The following TMC8 variants were observed in gnomAD, a reference collection of about 807,000 sequenced individuals.
The protein encoded by TMC8 is transmembrane channel like 8.
A neutral mutation model predicts 76.0 loss-of-function variants in TMC8; 71 were observed. The ratio of observed to expected loss-of-function variants is 0.93; its 90% CI spans 0.77 to 1.14. The LOEUF (loss-of-function observed/expected upper bound fraction) is 1.14, where lower values mean the gene tolerates loss of function less well. TMC8 is among the 50% of genes most tolerant of loss of function. TMC8 has a pLI of 0.00. For synonymous variants in TMC8, 433 were observed against 433.8 expected (o/e 1.00, Z 0.02); for missense variants, 924 against 947.9 (o/e 0.97, Z 0.33).
rs886214385 is a variant in TMC8 at position 78,131,382 on chromosome 17, G to A, written c.-207G>A. ...GATTCTCTCTCATTTCTGAGCCCCG[G>A]AGGTGGCAGAGCGGCAGACCCGGGC... On this transcript the variant is annotated 5_prime_UTR_variant, in exon 2 of 16. Transcript: ENST00000318430. The A allele has an allele frequency of 9.0e-6, 6 of 666,184 alleles. 1 individual carries two copies. In the Admixed American group the frequency reaches 1.4e-4, roughly 15 times the overall value. 41.3% of individuals were successfully genotyped at this position (666,184 alleles called of 1,614,324 possible).
At chr17:78,134,116 A>T in intron 7 of TMC8, 116 bp downstream of exon 7, 1 of 1,485,022 alleles carries the variant, frequency 6.7e-7, no homozygotes, top group Non-Finnish European at 9.4e-7. Context: ...AGTGTGTGTG[A>T]GCGTGTGTGG....
chr17:78,138,194 G>C lies in TMC8; in HGVS notation c.1533+6G>C, dbSNP rs762098539. 6.2e-7 allele frequency: 1 copy of C among 1,613,708 alleles called. No homozygotes were observed. Among genetic ancestry groups the C allele is most frequent in the Non-Finnish European group, 8.5e-7 (1 of 1,179,930 alleles). On this transcript the variant is annotated splice_donor_region_variant and intron_variant, in intron 12 of 15. Coordinates refer to ENST00000318430, the MANE Select transcript of TMC8 (RefSeq NM_152468.5). ...TCACCTTCTACATCAAGAAGGTGAC[G>C]GCTCATGGCTGGGGGGTATGGGGTT... is the stretch of plus-strand genomic sequence containing the variant.
intron 14 of TMC8, 71 bp from the exon 15 acceptor site, chr17:78,139,091 G>T: frequency 6.3e-7 from 1 of 1,597,916 alleles, no homozygotes; most frequent in Non-Finnish European, 8.6e-7. Flanking sequence ...TTGAGGTGGG[G>T]AGAGAGGAAG....
Position 78,137,343 on chromosome 17 carries a change from CG to C in TMC8, c.1237del (p.Val413PhefsTer18), listed in dbSNP as rs775549383. ...KSSCESYGYN[V>X]CDYQCWENSV... is the part of the protein sequence containing the mutation. ...GCAGCTGTGAGTCCTACGGCTACAA[CG>C]TTTGTGACTATCAGGTGGCTGGCAG... is the stretch of plus-strand genomic sequence containing the variant. On this transcript the variant is annotated frameshift_variant, in exon 10 of 16. Coordinates refer to ENST00000318430, the MANE Select transcript of TMC8 (RefSeq NM_152468.5). LOFTEE classifies it high-confidence loss of function. The C allele has an allele frequency of 6.2e-7, 1 of 1,613,962 alleles. No homozygotes were observed. Among genetic ancestry groups the C allele is most frequent in the Admixed American group, 1.7e-5 (1 of 60,018 alleles).
intron 4 of TMC8, 94 bp downstream of exon 4, chr17:78,132,602 C>T: frequency 2.0e-6 from 3 of 1,537,158 alleles, no homozygotes; most frequent in Non-Finnish European, 2.6e-6. Flanking sequence ...CAACGCTGGG[C>T]GTGGTCCTGC....
intron 15 of TMC8, among the ~76,000 whole-genome samples, chr17:78,140,609 G>A (rs914918227): frequency 6.6e-6 from 1 of 151,168 alleles, no homozygotes; most frequent in Non-Finnish European, 1.5e-5. Flanking sequence ...TTGTGGACGG[G>A]ACTCCTGAGG....
chr17:78,132,165 C>A (rs1029132811), intron 3 of TMC8, 135 bp downstream of exon 3: 1 of 1,437,538 alleles, frequency 7.0e-7, no homozygotes, highest in African/African-American at 1.4e-5. Context: ...CCCCTCCCAC[C>A]CCTTCCGCCC....
In TMC8 at chr17:78,141,319, C is replaced by G. The variant is rs969508768; in HGVS notation, c.*207C>G. On this transcript the variant is annotated 3_prime_UTR_variant, in exon 16 of 16. Transcript: ENST00000318430. ...TTTTAATCTCATCCCTTTAAAATGT[C>G]TATTTTTTATTGTGTTTTTTATAAT... 2 of 397,784 alleles carry G rather than the reference C, an allele frequency of 5.0e-6. No homozygotes were observed. The highest frequency in any genetic ancestry group is 4.4e-5 in the Admixed American group (1 of 22,472). 24.6% of individuals were successfully genotyped at this position (397,784 alleles called of 1,614,324 possible).
In TMC8 at chr17:78,133,920, G is replaced by T. The variant is rs373643486; in HGVS notation, c.736G>T (p.Val246Phe). 1.9e-6 allele frequency: 3 copies of T among 1,613,520 alleles called. No homozygotes were observed. In the South Asian group the frequency reaches 3.3e-5, roughly 18 times the overall value. The stretch of plus-strand genomic sequence containing the variant: ...CTATCAGGCGCCTCTCAGCGCCAAG[G>T]TCTTCTCCTCATGGGACTTCTGCAT... ...QGYQAPLSAK[V>F]FSSWDFCIRV... The change falls in exon 7 of 16, where the codon GTC becomes TTC. Residue 246 changes from valine to phenylalanine, a missense_variant. Val to Phe is a conservative substitution (Grantham distance 50, BLOSUM62 -1). Transcript: ENST00000318430.
At position 78,131,913 on chromosome 17, in the gene TMC8, T is replaced by C; in HGVS notation, c.181T>C (p.Leu61=). 6.7e-7 allele frequency: 1 copy of C among 1,495,268 alleles called. No homozygotes were observed. Among genetic ancestry groups the C allele is most frequent in the Non-Finnish European group, 8.9e-7 (1 of 1,128,552 alleles). 92.6% of individuals were successfully genotyped at this position (1,495,268 alleles called of 1,614,324 possible). Reference sequence around the variant, plus strand: ...GCGGGAGCCCGCGGGGGTGCAGACCTTGCGCTGGCAGCGGTGGCAGCGCCG... The same window carrying C: ...GCGGGAGCCCGCGGGGGTGCAGACCCTGCGCTGGCAGCGGTGGCAGCGCCG... ...QLREPAGVQT[L]RWQRWQRRRQ... Residue 61 remains leucine (L), a synonymous_variant, in exon 3 of 16, where the codon TTG becomes CTG. Transcript: ENST00000318430.
intron 9 of TMC8, chr17:78,136,904 A>G: frequency 2.8e-6 from 1 of 356,376 alleles, no homozygotes; most frequent in Non-Finnish European, 5.5e-6. Flanking sequence ...TGTACTCAAA[A>G]TACAAAATTT....
In TMC8 at chr17:78,142,675, T is replaced by A. The variant is rs534174047; in HGVS notation, c.*1563T>A. The A allele has an allele frequency of 6.6e-6, 1 of 152,280 alleles. No individual in the cohort carries two copies. The highest frequency in any genetic ancestry group is 1.5e-5 in the Non-Finnish European group (1 of 68,080). 9.4% of individuals were successfully genotyped at this position (152,280 alleles called of 1,614,324 possible). ...GACCAGATGAAAGTGACTCATGTTG[T>A]TAATTAGCGGCTTAGGGCCAAAGGT... On this transcript the variant is annotated 3_prime_UTR_variant, in exon 16 of 16. Coordinates refer to ENST00000318430, the MANE Select transcript of TMC8 (RefSeq NM_152468.5).
At chr17:78,133,366 G>C in intron 5 of TMC8, 40 bp from the exon 6 acceptor site, 1 of 1,613,384 alleles carries the variant, frequency 6.2e-7, no homozygotes, top group South Asian at 1.1e-5. Flanking sequence ...AGCAGAGCCT[G>C]GTGCTCACCC....
In TMC8 at chr17:78,134,540, C is replaced by A. The variant is rs776821874; in HGVS notation, c.963C>A (p.Thr321=). ...CCATCAGCGCCATCTTCTGGGCTACCAAGTACTCACAGGACAACAAGGAGG... is the reference window on the plus strand; with the variant it reads ...CCATCAGCGCCATCTTCTGGGCTACAAAGTACTCACAGGACAACAAGGAGG... ...VGAISAIFWA[T]KYSQDNKEES... Residue 321 remains threonine (T), a synonymous_variant, in exon 8 of 16, where the codon ACC becomes ACA. Coordinates refer to ENST00000318430, the MANE Select transcript of TMC8 (RefSeq NM_152468.5). 3.1e-6 allele frequency: 5 copies of A among 1,614,120 alleles called. No individual in the cohort carries two copies. In the Admixed American group the frequency reaches 8.3e-5, roughly 27 times the overall value.
At chr17:78,134,069 C>T (rs755333882) in intron 7 of TMC8, 69 bp downstream of exon 7, 14 of 1,607,390 alleles carry the variant, frequency 8.7e-6, no homozygotes, top group Non-Finnish European at 1.2e-5. Flanking sequence ...GTGAGAGCCA[C>T]GTGTTCCAGG....
Position 78,134,397 on chromosome 17 carries a change from G to A in TMC8, c.820G>A (p.Glu274Lys). Residue 274 changes from glutamate (E) to lysine (K), a missense_variant, in exon 8 of 16, where the codon GAG becomes AAG. Physicochemically the swap from Glu to Lys is moderately conservative, Grantham distance 56. Coordinates refer to ENST00000318430, the MANE Select transcript of TMC8 (RefSeq NM_152468.5). ...KHEISNEFKV[E>K]LEEGRRFQLM... ...CTGTCCCCACCCTTCCGGGCAGGTGGAGCTGGAGGAGGGCCGTCGCTTCCA... is the reference window on the plus strand; with the variant it reads ...CTGTCCCCACCCTTCCGGGCAGGTGAAGCTGGAGGAGGGCCGTCGCTTCCA... 6.2e-7 allele frequency: 1 copy of A among 1,610,838 alleles called. No homozygotes were observed. Among genetic ancestry groups the A allele is most frequent in the East Asian group, 2.2e-5 (1 of 44,870 alleles).
Position 78,138,707 on chromosome 17 carries a change from A to G in TMC8, c.1798A>G (p.Ser600Gly), listed in dbSNP as rs2075299145. ...ALHYLGSHAF[S>G]FPLLIMLSLV... ...CCACTACCTGGGCTCCCACGCCTTC[A>G]GCTTCCCCCTCCTCATCATGCTCAG... The change falls in exon 14 of 16, where the codon AGC becomes GGC. Residue 600 changes from serine (S) to glycine (G), a missense_variant. Ser to Gly is a moderately conservative substitution (Grantham distance 56). Coordinates refer to ENST00000318430, the MANE Select transcript of TMC8 (RefSeq NM_152468.5). The G allele has an allele frequency of 6.2e-7, 1 of 1,610,994 alleles. No individual in the cohort carries two copies. The highest frequency in any genetic ancestry group is 1.3e-5 in the African/African-American group (1 of 75,052).
chr17:78,136,022 C>G (rs142206118), intron 9 of TMC8, among the ~76,000 whole-genome samples: 171 of 152,302 alleles, frequency 1.1e-3, no homozygotes, highest in African/African-American at 3.8e-3. Flanking sequence ...CCACTACACT[C>G]CAGCCTGGGT....
At chr17:78,137,032 AC>A in intron 9 of TMC8, 1 of 692,562 alleles carries the variant, frequency 1.4e-6, no homozygotes, top group Non-Finnish European at 2.4e-6. Context: ...AAAACACAGA[AC>A]CCTTTTTCCC....
Sources: gnomAD v4.1 joint callset for allele counts (sites outside exome capture counted in the v4.1 genomes callset) on GRCh38, gnomAD v4.1.1 for gene constraint, MANE v1.5 for transcripts, NCBI Gene and HGNC (gene_info 2026-07-23, HGNC 2026-07-21) for gene names.